Variants in PLEKHA5 observed in about 807,000 individuals in gnomAD.
The protein encoded by PLEKHA5 is pleckstrin homology domain containing A5.
In PLEKHA5, 55 loss-of-function variants were observed where a neutral mutation model predicts 181.9. That is an observed-to-expected ratio of 0.30 (90% CI 0.24 to 0.38). The LOEUF (loss-of-function observed/expected upper bound fraction) is 0.38, where lower values mean the gene tolerates loss of function less well. Ranked by LOEUF, PLEKHA5 falls within the 10% of genes least tolerant of loss-of-function variation. The probability of loss-of-function intolerance (pLI) is 1.00; values close to 1 mark genes in which losing one functional copy is unlikely to be tolerated. For missense variants in PLEKHA5, 1,432 were observed against 1,549.5 expected, an observed-to-expected ratio of 0.92 and a Z score of 1.27; for synonymous variants, 535 against 529.4, an observed-to-expected ratio of 1.01 and a Z score of -0.15.
At chr12:19,341,834 T>G (rs1257692354) in intron 21 of PLEKHA5, among the ~76,000 whole-genome samples, 1 of 151,992 alleles carries the variant, frequency 6.6e-6, no homozygotes, top group East Asian at 1.9e-4. Flanking sequence ...CAGGCTCAAG[T>G]GATCCTCTCA....
At chr12:19,305,653 G>C (rs2083092240) in intron 15 of PLEKHA5, among the ~76,000 whole-genome samples, 1 of 151,856 alleles carries the variant, frequency 6.6e-6, no homozygotes, top group African/African-American at 2.4e-5. Context: ...GAGATCAGGA[G>C]TTTGAGACCA....
intron 3 of PLEKHA5, among the ~76,000 whole-genome samples, chr12:19,250,441 G>T (rs994772540): frequency 5.6e-4 from 85 of 152,130 alleles, no homozygotes; most frequent in African/African-American, 2.0e-3. Context: ...AAATTAGCCA[G>T]GCGTCGTGGT....
At chr12:19,267,587 G>A (rs2070918711) in intron 8 of PLEKHA5, among the ~76,000 whole-genome samples, 1 of 152,052 alleles carries the variant, frequency 6.6e-6, no homozygotes, top group East Asian at 1.9e-4. Context: ...TCGAACCTGG[G>A]AGGCGGAGGT....
At chr12:19,296,683 C>G (rs2152881855) in intron 15 of PLEKHA5, among the ~76,000 whole-genome samples, 1 of 152,182 alleles carries the variant, frequency 6.6e-6, no homozygotes, top group South Asian at 2.1e-4. Context: ...ACGCTAGTTT[C>G]TAGTTCTTGG....
intron 27 of PLEKHA5, 130 bp from the exon 28 acceptor site, chr12:19,359,282 T>C: frequency 1.4e-6 from 1 of 702,536 alleles, no homozygotes. Flanking sequence ...TCTTTGTTAG[T>C]TTTCATAGGA....
intron 7 of PLEKHA5, among the ~76,000 whole-genome samples, chr12:19,265,491 G>T (rs2070039676): frequency 6.6e-6 from 1 of 152,152 alleles, no homozygotes; most frequent in Non-Finnish European, 1.5e-5. Flanking sequence ...ATGTGGGTGG[G>T]TTAATGCCAT....
chr12:19,301,698 T>C (rs767634435), intron 15 of PLEKHA5, among the ~76,000 whole-genome samples: 1 of 152,240 alleles, frequency 6.6e-6, no homozygotes, highest in East Asian at 1.9e-4. Flanking sequence ...TATATAACAA[T>C]AGTAATGTTT....
In PLEKHA5 at chr12:19,220,779, G is replaced by A. The variant is rs566411809; in HGVS notation, c.228-33161G>A. Among the ~76,000 whole-genome samples, 54 of 152,240 alleles carry A rather than the reference G, an allele frequency of 3.5e-4. 1 individual carries two copies. Among genetic ancestry groups the A allele is most frequent in the African/African-American group, 1.3e-3 (53 of 41,560 alleles). On this transcript the variant is annotated intron_variant, in intron 3 of 31. Coordinates refer to ENST00000429027, the MANE Select transcript of PLEKHA5 (RefSeq NM_001256470.2). The stretch of plus-strand genomic sequence containing the variant: ...AATTATGTGAATTTTAACAGAAAGC[G>A]TAATTCCTTCATTAAAAATATCTGA...
chr12:19,148,603 C>G (rs980102254), intron 3 of PLEKHA5, among the ~76,000 whole-genome samples: 14 of 152,176 alleles, frequency 9.2e-5, no homozygotes, highest in African/African-American at 3.4e-4. Context: ...AGTTAGTAAA[C>G]TTTTTATGCT....
intron 15 of PLEKHA5, among the ~76,000 whole-genome samples, chr12:19,296,071 TAAAAACACAAA>T (rs887458828): frequency 6.7e-6 from 1 of 149,702 alleles, no homozygotes. Context: ...TCGTCTCTAC[TAAAAACACAAA>T]AATTAGCCAG....
At chr12:19,326,250 A>G (rs1487507359) in intron 20 of PLEKHA5, among the ~76,000 whole-genome samples, 1 of 152,198 alleles carries the variant, frequency 6.6e-6, no homozygotes, top group Non-Finnish European at 1.5e-5. Context: ...ACTTATTTAT[A>G]TTTGTAGCTT....
At chr12:19,354,212 C>T (rs60001502) in intron 26 of PLEKHA5, among the ~76,000 whole-genome samples, 1,445 of 112,834 alleles carry the variant, frequency 0.013, 26 homozygotes, top group African/African-American at 0.045. Flanking sequence ...AGTGCTGTGG[C>T]GCGATCTCGG....
At chr12:19,365,688 TATC>T (rs1194362240) in intron 29 of PLEKHA5, among the ~76,000 whole-genome samples, 2 of 152,162 alleles carry the variant, frequency 1.3e-5, no homozygotes, top group African/African-American at 4.8e-5. Context: ...ACAAATTAAA[TATC>T]ATATGTAGAA....
intron 3 of PLEKHA5, among the ~76,000 whole-genome samples, chr12:19,219,224 T>C (rs996880650): frequency 4.1e-4 from 63 of 151,980 alleles, no homozygotes; most frequent in African/African-American, 1.5e-3. Flanking sequence ...TACACGGGGG[T>C]GATGATTTGG....
At chr12:19,276,049 A>C (rs1407028801) in intron 11 of PLEKHA5, among the ~76,000 whole-genome samples, 1 of 152,228 alleles carries the variant, frequency 6.6e-6, no homozygotes, top group African/African-American at 2.4e-5. Flanking sequence ...AGAGTCTAGG[A>C]AAACCTTTGT....
At chr12:19,284,259 T>G (rs1592320179) in intron 12 of PLEKHA5, among the ~76,000 whole-genome samples, 1 of 152,016 alleles carries the variant, frequency 6.6e-6, no homozygotes, top group South Asian at 2.1e-4. Context: ...AGTAGAGATG[T>G]GGTTTCACCG....
chr12:19,197,727 TGTGTG>T (rs2053225645), intron 3 of PLEKHA5, among the ~76,000 whole-genome samples: 2 of 119,428 alleles, frequency 1.7e-5, no homozygotes, highest in Non-Finnish European at 3.4e-5. Context: ...TGTGTGTGTG[TGTGTG>T]TTTAAGTCGC....
intron 3 of PLEKHA5, among the ~76,000 whole-genome samples, chr12:19,193,727 A>G (rs563692647): frequency 3.3e-5 from 5 of 152,286 alleles, no homozygotes; most frequent in South Asian, 4.1e-4. Flanking sequence ...TTGCATTGCT[A>G]TAAAGAAATA....
At chr12:19,294,482 A>G (rs1431210681) in intron 15 of PLEKHA5, among the ~76,000 whole-genome samples, 1 of 152,176 alleles carries the variant, frequency 6.6e-6, no homozygotes, top group Admixed American at 6.5e-5. Context: ...GTCACATTTT[A>G]TACTATATAT....
Sources: allele counts gnomAD v4.1 joint callset (sites outside exome capture counted in the v4.1 genomes callset), GRCh38; gene constraint gnomAD v4.1.1; transcripts MANE v1.5; gene names NCBI Gene and HGNC (gene_info 2026-07-23, HGNC 2026-07-21).